PILRA: variants seen among roughly 807,000 people sequenced by gnomAD.
The protein encoded by PILRA is paired immunoglobulin-like type 2 receptor alpha.
A neutral mutation model predicts 33.1 loss-of-function variants in PILRA; 37 were observed. The observed-to-expected ratio is 1.12, with a 90% CI of 0.86 to 1.47. PILRA has a LOEUF of 1.47. Among genes scored for constraint, PILRA ranks in the 40% most tolerant of loss-of-function variants. PILRA has a pLI of 0.00. For synonymous variants in PILRA, 146 were observed against 149.9 expected (o/e 0.97, Z 0.19); for missense variants, 312 against 376.2 (o/e 0.83, Z 1.41).
intron 3 of PILRA, among the ~76,000 whole-genome samples, chr7:100,392,274 A>G (rs1252360756): frequency 6.6e-6 from 1 of 152,150 alleles, no homozygotes; most frequent in Non-Finnish European, 1.5e-5. Flanking sequence ...GTACCACTGC[A>G]CTCCAGCCTG....
At chr7:100,376,462 T>C (rs1790948840) in intron 2 of PILRA, 1 of 150,596 alleles carries the variant, frequency 6.6e-6, no homozygotes, top group Admixed American at 6.7e-5. Flanking sequence ...TTCAGGAAAG[T>C]AATAAAAAGA....
intron 5 of PILRA, 83 bp from the exon 6 acceptor site, chr7:100,399,498 C>T (rs1475394815): frequency 1.3e-6 from 2 of 1,527,420 alleles, no homozygotes; most frequent in East Asian, 4.5e-5. Flanking sequence ...AGCAGATAAC[C>T]TCACTCCTAG....
chr7:100,371,461 G>A (rs767554927), upstream of PILRA, among the ~76,000 whole-genome samples: 5 of 152,194 alleles, frequency 3.3e-5, no homozygotes, highest in African/African-American at 9.7e-5. Flanking sequence ...AAGCAGGAAC[G>A]GTGGGTGCCA....
intron 3 of PILRA, among the ~76,000 whole-genome samples, chr7:100,391,371 T>G (rs1563121300): frequency 6.6e-6 from 1 of 151,612 alleles, no homozygotes; most frequent in Non-Finnish European, 1.5e-5. Flanking sequence ...ATAAAAATAA[T>G]TTAAAAAAAA....
In PILRA at chr7:100,399,353, C is replaced by T; in HGVS notation, c.757+13C>T. The T allele has an allele frequency of 6.2e-7, 1 of 1,607,748 alleles. No individual in the cohort carries two copies. On this transcript the variant is annotated intron_variant, in intron 5 of 6. Transcript: ENST00000198536. ...ATCAGGAATGAAGGTGAGTCCTTAC[C>T]ACCATCCTTCCCCAGTTTCTACCCC... is the stretch of plus-strand genomic sequence containing the variant.
chr7:100,383,121 T>G (rs1791155593), intron 2 of PILRA, among the ~76,000 whole-genome samples: 1 of 152,106 alleles, frequency 6.6e-6, no homozygotes, highest in Non-Finnish European at 1.5e-5. Flanking sequence ...TGCTGTGAGA[T>G]GAAGCAGAGC....
intron 3 of PILRA, among the ~76,000 whole-genome samples, chr7:100,390,345 C>A (rs1337852423): frequency 2.0e-5 from 3 of 152,152 alleles, no homozygotes; most frequent in African/African-American, 7.2e-5. Context: ...CCCCCTAGTT[C>A]TTCTCTCTCA....
chr7:100,391,736 G>A (rs1002567926), intron 3 of PILRA, among the ~76,000 whole-genome samples: 2 of 152,156 alleles, frequency 1.3e-5, no homozygotes, highest in African/African-American at 4.8e-5. Flanking sequence ...GGGCGAGGGA[G>A]CAGGAATAAG....
chr7:100,383,886 C>G (rs987198933), intron 2 of PILRA, among the ~76,000 whole-genome samples: 6 of 152,166 alleles, frequency 3.9e-5, no homozygotes, highest in Non-Finnish European at 8.8e-5. Flanking sequence ...ATCCGCCTGC[C>G]TCGGCCTCCC....
At chr7:100,389,296 T>C (rs547964118) in intron 2 of PILRA, among the ~76,000 whole-genome samples, 1 of 152,296 alleles carries the variant, frequency 6.6e-6, no homozygotes, top group East Asian at 1.9e-4. Context: ...ATGTTTCCAT[T>C]GAGGAAGATG....
intron 2 of PILRA, among the ~76,000 whole-genome samples, chr7:100,389,357 G>C (rs1217654956): frequency 6.6e-6 from 1 of 152,168 alleles, no homozygotes; most frequent in Non-Finnish European, 1.5e-5. Context: ...CTGTGAATGT[G>C]CTTGATGCCA....
intron 3 of PILRA, among the ~76,000 whole-genome samples, chr7:100,395,432 G>A (rs952631727): frequency 6.6e-6 from 1 of 152,142 alleles, no homozygotes; most frequent in Non-Finnish European, 1.5e-5. Flanking sequence ...CCTTGATCTT[G>A]GATTTCCCAG....
At chr7:100,377,227 A>G in intron 2 of PILRA, among the ~76,000 whole-genome samples, 1 of 80,784 alleles carries the variant, frequency 1.2e-5, no homozygotes, top group South Asian at 3.7e-4. Context: ...TCACTTTTCT[A>G]TTTCTTTTTT....
intron 2 of PILRA, among the ~76,000 whole-genome samples, chr7:100,377,710 C>T (rs1333090984): frequency 6.6e-6 from 1 of 152,082 alleles, no homozygotes; most frequent in Non-Finnish European, 1.5e-5. Flanking sequence ...CGCATCACTG[C>T]ACTCCAGCCT....
At chr7:100,383,631 T>A (rs1791174765) in intron 2 of PILRA, among the ~76,000 whole-genome samples, 1 of 140,278 alleles carries the variant, frequency 7.1e-6, no homozygotes, top group Non-Finnish European at 1.6e-5. Context: ...TGACTCACAC[T>A]TTTTTTTTTT....
chr7:100,388,262 G>A (rs1266901982), intron 2 of PILRA, among the ~76,000 whole-genome samples: 1 of 152,096 alleles, frequency 6.6e-6, no homozygotes, highest in East Asian at 1.9e-4. Flanking sequence ...AGACATTAAG[G>A]AGCCTGATTT....
At chr7:100,394,819 C>A (rs1791462551) in intron 3 of PILRA, among the ~76,000 whole-genome samples, 1 of 151,908 alleles carries the variant, frequency 6.6e-6, no homozygotes, top group African/African-American at 2.4e-5. Flanking sequence ...TATCTTATAC[C>A]ATATACAAAA....
rs1023525977 is a variant in PILRA at position 100,373,967 on chromosome 7, G to C, written c.65-77G>C. ...CGACTGCCTGTGGGTGAAGGTGCGG[G>C]AGGGTCTGGGGTCACCCTCTTTGTG... On this transcript the variant is annotated intron_variant, in intron 1 of 6. Coordinates refer to ENST00000198536, the MANE Select transcript of PILRA (RefSeq NM_013439.3). 6 of 1,553,268 alleles carry C rather than the reference G, an allele frequency of 3.9e-6. No homozygotes were observed. In the African/African-American group the frequency reaches 8.2e-5, roughly 21 times the overall value.
chr7:100,398,330 C>T (rs1791543024), intron 4 of PILRA, among the ~76,000 whole-genome samples: 1 of 152,178 alleles, frequency 6.6e-6, no homozygotes, highest in Admixed American at 6.5e-5. Context: ...TCCAGGCTTC[C>T]TCTGCCTCCA....
Sources: allele counts gnomAD v4.1 joint callset (sites outside exome capture counted in the v4.1 genomes callset), GRCh38; gene constraint gnomAD v4.1.1; transcripts MANE v1.5; gene names NCBI Gene and HGNC (gene_info 2026-07-23, HGNC 2026-07-21).